The following AHCYL2 variants were observed in gnomAD, a reference collection of about 807,000 sequenced individuals.
AHCYL2 encodes S-adenosylhomocysteine hydrolase-like protein 2.
A neutral mutation model predicts 81.4 loss-of-function variants in AHCYL2; 28 were observed. The observed-to-expected ratio is 0.34, with a 90% CI of 0.25 to 0.47. The LOEUF (loss-of-function observed/expected upper bound fraction) is 0.47. Among genes scored for constraint, AHCYL2 ranks in the 20% least tolerant of loss-of-function variants. The pLI is 1.00. For missense variants in AHCYL2, 551 were observed against 785.1 expected, an observed-to-expected ratio of 0.70 and a Z score of 3.56; for synonymous variants, 272 against 290.2, an observed-to-expected ratio of 0.94 and a Z score of 0.64.
chr7:129,229,791 A>G (rs1794353634), intron 1 of AHCYL2, among the ~76,000 whole-genome samples: 5 of 152,218 alleles, frequency 3.3e-5, no homozygotes, highest in Admixed American at 3.3e-4. Flanking sequence ...GAATAAAAGC[A>G]TCTTATACAG....
chr7:129,389,002 A>AT (rs1795329870), intron 2 of AHCYL2, 54 bp from the exon 3 acceptor site: 1 of 1,589,904 alleles, frequency 6.3e-7, no homozygotes, highest in African/African-American at 1.4e-5. Flanking sequence ...ATGGTTTGGA[A>AT]TTTTAGAGGA....
At chr7:129,346,716 A>T (rs1793374840) in intron 1 of AHCYL2, among the ~76,000 whole-genome samples, 1 of 152,190 alleles carries the variant, frequency 6.6e-6, no homozygotes, top group Non-Finnish European at 1.5e-5. Context: ...ACTTAAAGAC[A>T]GTTTGGTAGT....
intron 1 of AHCYL2, among the ~76,000 whole-genome samples, chr7:129,344,088 C>A (rs1194425336): frequency 6.6e-6 from 1 of 152,106 alleles, no homozygotes; most frequent in African/African-American, 2.4e-5. Context: ...ATACTGCACA[C>A]CTGCTAGAAT....
intron 2 of AHCYL2, among the ~76,000 whole-genome samples, chr7:129,388,474 G>C (rs948688787): frequency 1.3e-5 from 2 of 152,196 alleles, no homozygotes; most frequent in Admixed American, 6.5e-5. Flanking sequence ...AGGCCAGCAA[G>C]AAGGGAGAGC....
chr7:129,367,000 A>G lies in AHCYL2; in HGVS notation c.364-12638A>G, dbSNP rs1489800041. On this transcript the variant is annotated intron_variant, in intron 1 of 16. Transcript: ENST00000325006. ...ATCTGGAAGCAGGGAGGGGGCTTCC[A>G]GGTCATGGGTAGATAAGAGACAAAT... 4.6e-5 allele frequency among the ~76,000 whole-genome samples: 7 copies of G among 152,316 alleles called. No individual in the cohort carries two copies. In the East Asian group the frequency reaches 1.3e-3, roughly 29 times the overall value.
intron 1 of AHCYL2, among the ~76,000 whole-genome samples, chr7:129,279,985 A>G (rs968156235): frequency 1.3e-5 from 2 of 152,116 alleles, no homozygotes; most frequent in African/African-American, 4.8e-5. Context: ...CCAACCTCCT[A>G]TCTCATCCTG....
intron 6 of AHCYL2, 96 bp downstream of exon 6, chr7:129,400,480 G>A: frequency 8.8e-7 from 1 of 1,133,898 alleles, no homozygotes; most frequent in Non-Finnish European, 1.3e-6. Flanking sequence ...CAAGAAGGAA[G>A]GAAAATGGCT....
rs541661589 is a variant in AHCYL2, at chr7:129,238,958, AAAG to A, written c.363+13522_363+13524del. Among the ~76,000 whole-genome samples the A allele has an allele frequency of 1.6e-4, 24 of 152,326 alleles. No individual in the cohort carries two copies. The East Asian group carries it at 3.7e-3, about 23-fold the overall frequency. On this transcript the variant is annotated intron_variant, in intron 1 of 16. Transcript: ENST00000325006. ...CAGAGCAAAACTCCGTCTCAAAAAA[AAAG>A]AACCTTTGTGAGGTTTCCTTGTTCC...
intron 12 of AHCYL2, among the ~76,000 whole-genome samples, chr7:129,416,410 G>T (rs1796850766): frequency 6.6e-6 from 1 of 152,016 alleles, no homozygotes; most frequent in Admixed American, 6.6e-5. Flanking sequence ...ATGTTAGAAG[G>T]CAAAAGCACC....
chr7:129,288,279 T>A (rs2150747521), intron 1 of AHCYL2, among the ~76,000 whole-genome samples: 1 of 152,340 alleles, frequency 6.6e-6, no homozygotes, highest in East Asian at 1.9e-4. Context: ...TGAATTTTGC[T>A]GATTACATCT....
intron 12 of AHCYL2, among the ~76,000 whole-genome samples, chr7:129,416,097 AGTTTTCTTT>A (rs922557759): frequency 1.3e-5 from 2 of 152,014 alleles, no homozygotes; most frequent in Non-Finnish European, 2.9e-5. Flanking sequence ...CTCCTAGTCT[AGTTTTCTTT>A]GTTTTGTTTT....
At chr7:129,358,735 G>A (rs1276781091) in intron 1 of AHCYL2, among the ~76,000 whole-genome samples, 1 of 152,164 alleles carries the variant, frequency 6.6e-6, no homozygotes, top group Non-Finnish European at 1.5e-5. Flanking sequence ...AATGGTTAAA[G>A]TGGTAACTCT....
At chr7:129,425,174 C>G in intron 15 of AHCYL2, 33 bp downstream of exon 15, 2 of 1,588,968 alleles carry the variant, frequency 1.3e-6, no homozygotes, top group Non-Finnish European at 1.7e-6. Context: ...CCATCCTTAC[C>G]AAAGTAGTTC....
At chr7:129,389,384 TAAAA>T (rs11389356) in intron 3 of AHCYL2, among the ~76,000 whole-genome samples, 185 bp downstream of exon 3, 1 of 124,974 alleles carries the variant, frequency 8.0e-6, no homozygotes. Flanking sequence ...AACCCTGTAT[TAAAA>T]AAAAAAAAAA....
chr7:129,283,149 G>A (rs1584741319), intron 1 of AHCYL2, among the ~76,000 whole-genome samples: 1 of 152,142 alleles, frequency 6.6e-6, no homozygotes, highest in African/African-American at 2.4e-5. Context: ...GCGTTTTCCA[G>A]TACTCCATCC....
chr7:129,285,226 A>G (rs951433843), intron 1 of AHCYL2, among the ~76,000 whole-genome samples: 2 of 152,210 alleles, frequency 1.3e-5, no homozygotes, highest in Non-Finnish European at 2.9e-5. Context: ...AGCTAGCATC[A>G]GCTATGGTTA....
At chr7:129,339,272 GCAGT>G (rs969006528) in intron 1 of AHCYL2, among the ~76,000 whole-genome samples, 1 of 152,144 alleles carries the variant, frequency 6.6e-6, no homozygotes, top group Non-Finnish European at 1.5e-5. Flanking sequence ...CAATCTTGGT[GCAGT>G]CAATTTGGAG....
chr7:129,257,984 A>G (rs1216622020), intron 1 of AHCYL2, among the ~76,000 whole-genome samples: 2 of 152,230 alleles, frequency 1.3e-5, no homozygotes, highest in Admixed American at 1.3e-4. Context: ...TGTGGATGAT[A>G]GGAGTGGAAT....
At chr7:129,400,992 A>C (rs1796002910) in intron 6 of AHCYL2, among the ~76,000 whole-genome samples, 1 of 152,088 alleles carries the variant, frequency 6.6e-6, no homozygotes, top group Admixed American at 6.5e-5. Flanking sequence ...TAGAAGATCA[A>C]GTCTTGAAGC....
Sources: allele counts gnomAD v4.1 joint callset (sites outside exome capture counted in the v4.1 genomes callset), GRCh38; gene constraint gnomAD v4.1.1; transcripts MANE v1.5; gene names NCBI Gene and HGNC (gene_info 2026-07-23, HGNC 2026-07-21).